The following SLC4A4 variants were observed in gnomAD, a reference collection of about 807,000 sequenced individuals.
SLC4A4 encodes the protein solute carrier family 4 member 4, also known as electrogenic sodium bicarbonate cotransporter 1.
Under a neutral mutation model 111.5 loss-of-function variants are expected in SLC4A4, and 27 were observed. The ratio of observed to expected loss-of-function variants is 0.24; its 90% CI spans 0.18 to 0.33. The LOEUF (loss-of-function observed/expected upper bound fraction) is 0.33. Ranked by LOEUF, SLC4A4 falls within the 10% of genes least tolerant of loss-of-function variation. The pLI, the probability that SLC4A4 is intolerant of heterozygous loss-of-function variation, is 1.00. For missense variants in SLC4A4, 909 were observed against 1,315.5 expected (o/e 0.69, Z 4.78); for synonymous variants, 443 against 463.4 (o/e 0.96, Z 0.57).
At chr4:71,548,798 C>G (rs189342638) in intron 20 of SLC4A4, among the ~76,000 whole-genome samples, 13 of 151,980 alleles carry the variant, frequency 8.6e-5, no homozygotes, top group Non-Finnish European at 4.4e-5. Flanking sequence ...CTCTGTTCAT[C>G]TAAAGTTAGC....
intron 2 of SLC4A4, among the ~76,000 whole-genome samples, chr4:71,095,285 G>A (rs1189324450): frequency 2.6e-5 from 4 of 152,210 alleles, no homozygotes; most frequent in African/African-American, 9.6e-5. Flanking sequence ...TAAGAGCAGA[G>A]ATGAGTTTCA....
intron 7 of SLC4A4, among the ~76,000 whole-genome samples, chr4:71,435,236 G>A (rs1319816962): frequency 6.6e-6 from 1 of 152,112 alleles, no homozygotes; most frequent in Non-Finnish European, 1.5e-5. Context: ...ACAGAACAGA[G>A]GCCTCAGAAA....
At chr4:71,535,709 G>A (rs148176318) in intron 18 of SLC4A4, among the ~76,000 whole-genome samples, 118 of 152,156 alleles carry the variant, frequency 7.8e-4, no homozygotes, top group Non-Finnish European at 9.1e-4. Context: ...AAAACCATAA[G>A]TAAAAGTATA....
At chr4:71,084,766 G>C (rs951229677) in intron 1 of SLC4A4, among the ~76,000 whole-genome samples, 1 of 151,988 alleles carries the variant, frequency 6.6e-6, no homozygotes, top group Non-Finnish European at 1.5e-5. Flanking sequence ...AGTATTCCAT[G>C]GTGTATATGT....
chr4:71,088,378 T>C (rs1742260443), intron 1 of SLC4A4, among the ~76,000 whole-genome samples: 1 of 152,070 alleles, frequency 6.6e-6, no homozygotes, highest in Non-Finnish European at 1.5e-5. Context: ...TCTGTGTCTT[T>C]TAATTGGAGC....
Position 71,384,408 on chromosome 4 carries a change from T to C in SLC4A4, c.731-13169T>C, listed in dbSNP as rs76003331. Among the ~76,000 whole-genome samples the C allele has an allele frequency of 9.3e-4, 142 of 152,240 alleles. 1 individual carries two copies. Among genetic ancestry groups the C allele is most frequent in the African/African-American group, 3.2e-3 (134 of 41,546 alleles). The stretch of plus-strand genomic sequence containing the variant: ...GAGGCTACTGCTAGAGTTGTGGGTG[T>C]CCTATAGTCATTGATTGCTAAGAGT... On this transcript the variant is annotated intron_variant, in intron 6 of 25. Coordinates refer to ENST00000264485, the MANE Select transcript of SLC4A4 (RefSeq NM_001098484.3).
At chr4:71,541,751 G>A (rs545663134) in intron 18 of SLC4A4, among the ~76,000 whole-genome samples, 9 of 151,250 alleles carry the variant, frequency 6.0e-5, no homozygotes, top group Middle Eastern at 6.8e-3. Context: ...GAGCTGAGTG[G>A]AAAGGGAAGG....
intron 16 of SLC4A4, among the ~76,000 whole-genome samples, chr4:71,527,188 A>T (rs1733494217): frequency 6.6e-6 from 1 of 152,044 alleles, no homozygotes; most frequent in Non-Finnish European, 1.5e-5. Flanking sequence ...ACTGGGTGCT[A>T]TGTTAATAGT....
chr4:71,144,419 T>C (rs1006216212), intron 2 of SLC4A4, among the ~76,000 whole-genome samples: 5 of 152,232 alleles, frequency 3.3e-5, no homozygotes, highest in African/African-American at 9.6e-5. Context: ...AGGATTTACC[T>C]GGCAATGCGG....
chr4:71,440,593 T>A (rs1172523260), intron 7 of SLC4A4, 23 bp from the exon 8 acceptor site: 1 of 1,614,004 alleles, frequency 6.2e-7, no homozygotes, highest in Non-Finnish European at 8.5e-7. Flanking sequence ...CTAAATTGTG[T>A]TTCCTTGGTT....
chr4:71,533,229 C>A (rs1734098034), intron 17 of SLC4A4, among the ~76,000 whole-genome samples: 1 of 152,210 alleles, frequency 6.6e-6, no homozygotes, highest in East Asian at 1.9e-4. Flanking sequence ...CCCATTCAAC[C>A]ATTAATTCAT....
chr4:71,130,477 ATTCTCCCACCTCG>A (rs1743672859), intron 2 of SLC4A4, among the ~76,000 whole-genome samples: 1 of 152,094 alleles, frequency 6.6e-6, no homozygotes, highest in Admixed American at 6.6e-5. Flanking sequence ...GCTTCAAGCA[ATTCTCCCACCTCG>A]GCCTCCCAAA....
intron 3 of SLC4A4, among the ~76,000 whole-genome samples, chr4:71,256,597 G>A (rs530457597): frequency 6.6e-6 from 1 of 152,210 alleles, no homozygotes; most frequent in African/African-American, 2.4e-5. Context: ...GGACCAGAAG[G>A]CAGGAGACTC....
chr4:71,131,314 T>C (rs1190955997), intron 2 of SLC4A4, among the ~76,000 whole-genome samples: 1 of 152,208 alleles, frequency 6.6e-6, no homozygotes, highest in Non-Finnish European at 1.5e-5. Context: ...AGATGTTGGT[T>C]CTTTTATAAC....
intron 3 of SLC4A4, among the ~76,000 whole-genome samples, chr4:71,261,695 T>C (rs1721865495): frequency 1.3e-5 from 2 of 152,228 alleles, no homozygotes; most frequent in African/African-American, 4.8e-5. Flanking sequence ...GAAGTCACCT[T>C]GAAGTGCCCT....
chr4:71,292,998 C>T (rs1238017838), intron 3 of SLC4A4, among the ~76,000 whole-genome samples: 3 of 150,864 alleles, frequency 2.0e-5, no homozygotes, highest in Admixed American at 6.6e-5. Flanking sequence ...CCTGCCACTG[C>T]GCCCGGCTAA....
chr4:71,213,453 CTT>C (rs1718250448), intron 1 of SLC4A4, among the ~76,000 whole-genome samples: 1 of 152,226 alleles, frequency 6.6e-6, no homozygotes, highest in South Asian at 2.1e-4. Context: ...GCAGGGGACT[CTT>C]TTGTCACCAC....
At chr4:71,120,263 A>C (rs770210090) in intron 2 of SLC4A4, among the ~76,000 whole-genome samples, 5 of 152,220 alleles carry the variant, frequency 3.3e-5, no homozygotes, top group Non-Finnish European at 7.3e-5. Context: ...GTCAGGCAGC[A>C]GCAAGTACCA....
intron 7 of SLC4A4, among the ~76,000 whole-genome samples, chr4:71,430,759 G>A (rs1450497179): frequency 6.6e-6 from 1 of 152,094 alleles, no homozygotes; most frequent in African/African-American, 2.4e-5. Context: ...TCCTGGTGTG[G>A]ACAGTCCTGT....
Sources: allele counts gnomAD v4.1 joint callset (sites outside exome capture counted in the v4.1 genomes callset), GRCh38; gene constraint gnomAD v4.1.1; transcripts MANE v1.5; gene names NCBI Gene and HGNC (gene_info 2026-07-23, HGNC 2026-07-21).